SHB: variants seen among roughly 807,000 people sequenced by gnomAD.
SHB encodes SH2 domain containing adaptor protein B.
A neutral mutation model predicts 52.3 loss-of-function variants in SHB; 20 were observed. The ratio of observed to expected loss-of-function variants is 0.38; its 90% CI spans 0.27 to 0.56. SHB has a LOEUF of 0.56. SHB is among the 20% of genes least tolerant of loss of function. The pLI, the probability that SHB is intolerant of heterozygous loss-of-function variation, is 0.71. For missense variants in SHB, 825 were observed against 723.3 expected, an observed-to-expected ratio of 1.14 and a Z score of -1.61; for synonymous variants, 397 against 316.5, an observed-to-expected ratio of 1.25 and a Z score of -2.70.
chr9:38,017,962 T>A (rs1372951711), intron 1 of SHB, among the ~76,000 whole-genome samples: 1 of 152,214 alleles, frequency 6.6e-6, no homozygotes, highest in East Asian at 1.9e-4. Context: ...CAGGGTTTTG[T>A]GTCTCAGAGT....
chr9:37,918,070 C>G lies in SHB; in HGVS notation c.*1751G>C, dbSNP rs1175865759. Among the ~76,000 whole-genome samples the G allele has an allele frequency of 6.6e-6, 1 of 152,244 alleles. No individual in the cohort carries two copies. The highest frequency in any genetic ancestry group is 1.5e-5 in the Non-Finnish European group (1 of 68,048). ...AGCTGGAACCACCTCCAAACAGTCT[C>G]TAAAGACATGAGCAGCGCTGATGTC... On this transcript the variant is annotated 3_prime_UTR_variant, in exon 6 of 6. Coordinates refer to ENST00000377707, the MANE Select transcript of SHB (RefSeq NM_003028.3).
Position 38,068,685 on chromosome 9 carries a change from C to T in SHB, c.-40G>A. The T allele has an allele frequency of 7.9e-7, 1 of 1,259,744 alleles. No individual in the cohort carries two copies. Among genetic ancestry groups the T allele is most frequent in the Non-Finnish European group, 9.9e-7 (1 of 1,006,380 alleles). 78.0% of individuals were successfully genotyped at this position (1,259,744 alleles called of 1,614,324 possible). On this transcript the variant is annotated 5_prime_UTR_variant, in exon 1 of 6. Transcript: ENST00000377707. Reference sequence around the variant, plus strand: ...TAGGGCCGCGGCGCGGGAGCCCGGTCCGCCGCCGCGGCCATTCGGGGGGCA... The same window carrying T: ...TAGGGCCGCGGCGCGGGAGCCCGGTTCGCCGCCGCGGCCATTCGGGGGGCA...
chr9:38,021,727 G>A (rs920957464), intron 1 of SHB, among the ~76,000 whole-genome samples: 4 of 151,950 alleles, frequency 2.6e-5, no homozygotes, highest in South Asian at 2.1e-4. Context: ...TTCCAGGATC[G>A]AGTGGCCCAC....
chr9:38,028,050 T>C (rs961545625), intron 1 of SHB, among the ~76,000 whole-genome samples: 1 of 152,134 alleles, frequency 6.6e-6, no homozygotes, highest in African/African-American at 2.4e-5. Context: ...ATAATGGCTT[T>C]GCAAATGCAT....
chr9:37,980,103 C>T (rs1820706179), intron 2 of SHB, among the ~76,000 whole-genome samples: 5 of 152,110 alleles, frequency 3.3e-5, no homozygotes, highest in Admixed American at 3.3e-4. Flanking sequence ...TATGCCCCTC[C>T]CCCCAGCTGT....
At chr9:38,059,532 C>T (rs986766592) in intron 1 of SHB, among the ~76,000 whole-genome samples, 5 of 152,136 alleles carry the variant, frequency 3.3e-5, no homozygotes, top group African/African-American at 9.7e-5. Context: ...AAGTTAGTGC[C>T]GCTGAAAGTG....
chr9:38,043,601 C>A (rs1821608274), intron 1 of SHB, among the ~76,000 whole-genome samples: 1 of 152,160 alleles, frequency 6.6e-6, no homozygotes, highest in African/African-American at 2.4e-5. Context: ...TAGAAATCAT[C>A]CACCCTGGCC....
At chr9:37,932,298 AAG>A (rs1248843489) in intron 5 of SHB, among the ~76,000 whole-genome samples, 21 of 151,246 alleles carry the variant, frequency 1.4e-4, no homozygotes, top group African/African-American at 5.1e-4. Flanking sequence ...AAAAAAAGAA[AAG>A]AAAAATATTG....
intron 5 of SHB, among the ~76,000 whole-genome samples, chr9:37,937,487 A>G (rs1165061283): frequency 2.0e-5 from 3 of 152,042 alleles, no homozygotes; most frequent in African/African-American, 4.8e-5. Context: ...AAAGCAAAGC[A>G]TTATTAAAAG....
intron 1 of SHB, among the ~76,000 whole-genome samples, chr9:38,022,914 G>A (rs1165025307): frequency 6.6e-6 from 1 of 152,184 alleles, no homozygotes; most frequent in Non-Finnish European, 1.5e-5. Context: ...GCTCTAAGAT[G>A]GGCTTCTGCT....
At position 37,953,358 on chromosome 9, in the gene SHB, A is replaced by T. The variant is rs147350321; in HGVS notation, c.1226+2525T>A. Among the ~76,000 whole-genome samples the T allele has an allele frequency of 5.3e-5, 8 of 151,946 alleles. No homozygotes were observed. The East Asian group carries it at 1.5e-3, about 29-fold the overall frequency. On this transcript the variant is annotated intron_variant, in intron 4 of 5. Coordinates refer to ENST00000377707, the MANE Select transcript of SHB (RefSeq NM_003028.3). ...AGGGGATGCAGTGGTGACCTAGACA[A>T]GTTCCTGCCCTCATGGAGTTTCTGT... is the stretch of plus-strand genomic sequence containing the variant.
chr9:37,984,729 C>T (rs1820783192), intron 2 of SHB, among the ~76,000 whole-genome samples: 1 of 152,202 alleles, frequency 6.6e-6, no homozygotes, highest in Non-Finnish European at 1.5e-5. Context: ...CCTAATTAGA[C>T]ACGCCGCAAA....
rs4008196 is a variant in SHB at position 37,992,880 on chromosome 9, A to AAC, written c.839-18045_839-18044dup. Among the ~76,000 whole-genome samples, 896 of 150,612 alleles carry AAC rather than the reference A, an allele frequency of 5.9e-3. 1 individual carries two copies. Among genetic ancestry groups the AAC allele is most frequent in the African/African-American group, 9.1e-3 (375 of 41,038 alleles). ...ACGTATATGCATGCACACACACACA[A>AAC]ACACACACACACACACACAGTCTCA... On this transcript the variant is annotated intron_variant, in intron 2 of 5. Transcript: ENST00000377707.
rs1412788735 is a variant in SHB at position 38,015,238 on chromosome 9, G to A, written c.838+773C>T. Reference sequence around the variant, plus strand: ...TCTTGAACCAGGAGAAGCCACAACAGGGGTTTCCCTTTTGCTTGTGACCTC... The same window carrying A: ...TCTTGAACCAGGAGAAGCCACAACAAGGGTTTCCCTTTTGCTTGTGACCTC... On this transcript the variant is annotated intron_variant, in intron 2 of 5. Coordinates refer to ENST00000377707, the MANE Select transcript of SHB (RefSeq NM_003028.3). 1.8e-4 allele frequency: 105 copies of A among 594,554 alleles called. 1 individual carries two copies. Among genetic ancestry groups the A allele is most frequent in the Admixed American group, 5.9e-5 (2 of 33,954 alleles). The allele number at this position is 594,554 out of a possible 1,614,324, so 36.8% of individuals were successfully genotyped here.
intron 1 of SHB, among the ~76,000 whole-genome samples, chr9:38,027,752 G>A (rs554545398): frequency 3.7e-4 from 57 of 152,080 alleles, no homozygotes; most frequent in African/African-American, 1.3e-3. Flanking sequence ...TCCTGGTGTA[G>A]GCAGAGCGGC....
chr9:37,986,789 G>T (rs1003292143), intron 2 of SHB, among the ~76,000 whole-genome samples: 1 of 152,186 alleles, frequency 6.6e-6, no homozygotes, highest in Non-Finnish European at 1.5e-5. Flanking sequence ...CATCCCCGGG[G>T]CCCCTGTGCT....
intron 3 of SHB, among the ~76,000 whole-genome samples, chr9:37,958,318 G>A (rs535763928): frequency 8.5e-5 from 13 of 152,262 alleles, no homozygotes; most frequent in South Asian, 6.2e-4. Context: ...GGAGGACTAC[G>A]GGTGACCACA....
intron 1 of SHB, among the ~76,000 whole-genome samples, chr9:38,033,853 C>A (rs1463998267): frequency 6.9e-6 from 1 of 144,808 alleles, no homozygotes; most frequent in Non-Finnish European, 1.5e-5. Context: ...CTGTAAAATC[C>A]TGACACCCCC....
At chr9:37,926,689 G>A (rs2118464456) in intron 5 of SHB, among the ~76,000 whole-genome samples, 1 of 152,358 alleles carries the variant, frequency 6.6e-6, no homozygotes, top group East Asian at 1.9e-4. Flanking sequence ...TCTCTGAAGA[G>A]AATTAGGCCA....
Sources: allele counts gnomAD v4.1 joint callset (sites outside exome capture counted in the v4.1 genomes callset), GRCh38; gene constraint gnomAD v4.1.1; transcripts MANE v1.5; gene names NCBI Gene and HGNC (gene_info 2026-07-23, HGNC 2026-07-21).